The following PARD3B variants were observed in gnomAD, a reference collection of about 807,000 sequenced individuals.
PARD3B encodes par-3 family cell polarity regulator beta.
A neutral mutation model predicts 130.2 loss-of-function variants in PARD3B; 103 were observed. The observed-to-expected ratio is 0.79, with a 90% CI of 0.67 to 0.93. PARD3B has a LOEUF of 0.93. PARD3B is among the 40% of genes least tolerant of loss of function. PARD3B has a pLI of 0.00. For missense variants in PARD3B, 1,609 were observed against 1,499.2 expected (o/e 1.07, Z -1.21); for synonymous variants, 583 against 553.2 (o/e 1.05, Z -0.76).
intron 1 of PARD3B, among the ~76,000 whole-genome samples, chr2:204,626,329 C>T (rs1343284749): frequency 2.0e-5 from 3 of 152,142 alleles, no homozygotes; most frequent in Non-Finnish European, 4.4e-5. Context: ...ACATACTCAG[C>T]TATGAATTCC....
chr2:204,982,624 C>T (rs1432913622), intron 3 of PARD3B, among the ~76,000 whole-genome samples: 1 of 152,214 alleles, frequency 6.6e-6, no homozygotes, highest in Non-Finnish European at 1.5e-5. Context: ...CTCACTCTAA[C>T]ACTCACAATC....
chr2:205,452,369 G>A (rs1415336777), intron 20 of PARD3B, among the ~76,000 whole-genome samples: 1 of 152,198 alleles, frequency 6.6e-6, no homozygotes, highest in East Asian at 1.9e-4. Context: ...GCTGTGTGTA[G>A]GGACTTGAAC....
intron 2 of PARD3B, among the ~76,000 whole-genome samples, chr2:204,801,276 C>T (rs556127243): frequency 1.9e-4 from 29 of 152,022 alleles, no homozygotes; most frequent in Admixed American, 5.2e-4. Context: ...TTGATGGGGA[C>T]AGCATTGAAT....
chr2:204,971,680 C>A (rs1691724082), intron 3 of PARD3B, among the ~76,000 whole-genome samples: 1 of 151,472 alleles, frequency 6.6e-6, no homozygotes, highest in South Asian at 2.1e-4. Flanking sequence ...GCTATGGTAA[C>A]CTTGCTAGGG....
chr2:204,814,172 G>C lies in PARD3B; in HGVS notation c.222+127890G>C, dbSNP rs191061827. Among the ~76,000 whole-genome samples, 416 of 151,890 alleles carry C rather than the reference G, an allele frequency of 2.7e-3. 1 individual carries two copies. The highest frequency in any genetic ancestry group is 9.9e-3 in the African/African-American group (409 of 41,516). ...TCATGTTTTTAGTGTATAGATCTTT[G>C]TTACTTATTTGATTTATACTTACAG... On this transcript the variant is annotated intron_variant, in intron 2 of 22. Transcript: ENST00000406610.
chr2:205,005,975 G>A (rs960989731), intron 3 of PARD3B, among the ~76,000 whole-genome samples: 7 of 151,968 alleles, frequency 4.6e-5, no homozygotes, highest in African/African-American at 1.5e-4. Context: ...TAACTTCCCC[G>A]CACTGAGTCC....
intron 1 of PARD3B, 174 bp downstream of exon 1, chr2:204,546,293 G>A: frequency 2.1e-6 from 2 of 953,056 alleles, no homozygotes; most frequent in African/African-American, 1.7e-5. Flanking sequence ...GGGTGTTTGT[G>A]GGCCTTGAGC....
intron 18 of PARD3B, among the ~76,000 whole-genome samples, chr2:205,327,474 C>T (rs534571390): frequency 2.6e-4 from 40 of 152,312 alleles, no homozygotes; most frequent in African/African-American, 9.4e-4. Flanking sequence ...TTAATCTTCA[C>T]AATAATCCTA....
rs544641566 is a variant in PARD3B, at chr2:204,858,363, A to G, written c.223-106789A>G. Among the ~76,000 whole-genome samples, 8 of 152,184 alleles carry G rather than the reference A, an allele frequency of 5.3e-5. 1 individual carries two copies. Among genetic ancestry groups the G allele is most frequent in the African/African-American group, 1.9e-4 (8 of 41,544 alleles). On this transcript the variant is annotated intron_variant, in intron 2 of 22. Transcript: ENST00000406610. ...AACTGTGGTGTGTATACACAATAGAATATTATTCAGCCTTTTTAAAAAAGG... is the reference window on the plus strand; with the variant it reads ...AACTGTGGTGTGTATACACAATAGAGTATTATTCAGCCTTTTTAAAAAAGG...
At chr2:205,328,973 A>G (rs1011054075) in intron 18 of PARD3B, among the ~76,000 whole-genome samples, 4 of 152,186 alleles carry the variant, frequency 2.6e-5, no homozygotes, top group South Asian at 4.1e-4. Context: ...TCTACTACCA[A>G]TCAAAATCCT....
At chr2:204,911,383 G>T (rs549685913) in intron 2 of PARD3B, among the ~76,000 whole-genome samples, 1 of 152,310 alleles carries the variant, frequency 6.6e-6, no homozygotes, top group South Asian at 2.1e-4. Context: ...CATCAGTGGT[G>T]TTCACCTGAC....
intron 3 of PARD3B, among the ~76,000 whole-genome samples, chr2:204,969,113 G>A (rs1166321609): frequency 6.6e-6 from 1 of 152,188 alleles, no homozygotes; most frequent in Non-Finnish European, 1.5e-5. Context: ...TCATTTAAAT[G>A]ATGAGATGTG....
At chr2:204,650,567 A>G (rs1265774241) in intron 1 of PARD3B, among the ~76,000 whole-genome samples, 1 of 152,228 alleles carries the variant, frequency 6.6e-6, no homozygotes, top group African/African-American at 2.4e-5. Flanking sequence ...TTATGCAGCC[A>G]TAAAAAGAAA....
Position 204,814,453 on chromosome 2 carries a change from T to G in PARD3B, c.222+128171T>G, listed in dbSNP as rs1212806397. On this transcript the variant is annotated intron_variant, in intron 2 of 22. Coordinates refer to ENST00000406610, the MANE Select transcript of PARD3B (RefSeq NM_001302769.2). ...GATATATATTAAAATGTATATATCA[T>G]GTATGTAAATATTTTTTCTATTGGA... Among the ~76,000 whole-genome samples the G allele has an allele frequency of 2.6e-5, 4 of 151,864 alleles. No homozygotes were observed. In the South Asian group the frequency reaches 6.2e-4, roughly 24 times the overall value.
At chr2:204,817,957 T>G (rs570045128) in intron 2 of PARD3B, among the ~76,000 whole-genome samples, 9 of 152,304 alleles carry the variant, frequency 5.9e-5, no homozygotes, top group Admixed American at 2.6e-4. Context: ...TGGTCTCTTC[T>G]CCTTCCTCTA....
At position 205,268,972 on chromosome 2, in the gene PARD3B, A is replaced by G. The variant is rs1045053227; in HGVS notation, c.2185+23150A>G. On this transcript the variant is annotated intron_variant, in intron 16 of 22. Coordinates refer to ENST00000406610, the MANE Select transcript of PARD3B (RefSeq NM_001302769.2). The surrounding 1 kb of genome is among the most constrained non-coding windows in gnomAD (Gnocchi z 4.1). ...AAAGGTGTACCCAAGTATGAATAAA[A>G]TAAGTATAAATCATTCATTTTTCAA... Among the ~76,000 whole-genome samples the G allele has an allele frequency of 6.6e-6, 1 of 152,210 alleles. No individual in the cohort carries two copies. The highest frequency in any genetic ancestry group is 1.5e-5 in the Non-Finnish European group (1 of 68,018).
At chr2:205,523,217 G>GTATATATATATATATATA (rs1559176093) in intron 21 of PARD3B, among the ~76,000 whole-genome samples, 2 of 58,542 alleles carry the variant, frequency 3.4e-5, no homozygotes, top group East Asian at 1.4e-3. Context: ...ATATGTGTGT[G>GTATATATATATATATATA]TGTGTGTGTA....
At position 204,673,337 on chromosome 2, in the gene PARD3B, T is replaced by G. The variant is rs754297418; in HGVS notation, c.121-12844T>G. Among the ~76,000 whole-genome samples the G allele has an allele frequency of 1.4e-4, 22 of 152,198 alleles. No homozygotes were observed. The highest frequency in any genetic ancestry group is 3.1e-4 in the Non-Finnish European group (21 of 68,026). ...ATGCTGATGTAAAAAGTAGTAGAAT[T>G]TTATTTCATTTTGTAGAGTGGAATA... On this transcript the variant is annotated intron_variant, in intron 1 of 22. Coordinates refer to ENST00000406610, the MANE Select transcript of PARD3B (RefSeq NM_001302769.2). This position sits in a 1 kb window ranked among gnomAD's most constrained non-coding sequence, Gnocchi z 4.7.
intron 1 of PARD3B, among the ~76,000 whole-genome samples, chr2:204,638,624 A>G (rs2034969830): frequency 6.6e-6 from 1 of 152,196 alleles, no homozygotes; most frequent in Non-Finnish European, 1.5e-5. Flanking sequence ...TCTTGAATGT[A>G]ACATTAAACC....
Sources: allele counts gnomAD v4.1 joint callset (sites outside exome capture counted in the v4.1 genomes callset), GRCh38; gene constraint gnomAD v4.1.1; non-coding constraint Gnocchi (gnomAD v3.1); transcripts MANE v1.5; gene names NCBI Gene and HGNC (gene_info 2026-07-23, HGNC 2026-07-21).